BCAP31: variants seen among roughly 807,000 people sequenced by gnomAD.
BCAP31 encodes the protein B-cell receptor-associated protein 31.
For missense variants in BCAP31, 124 were observed against 193.0 expected, an observed-to-expected ratio of 0.64 and a Z score of 2.12; for synonymous variants, 75 against 80.9, an observed-to-expected ratio of 0.93 and a Z score of 0.39.
chrX:153,708,819 G>GCCCCAAAGGGCTC (rs1372627381), intron 4 of BCAP31, among the ~76,000 whole-genome samples: 2 of 112,897 alleles, frequency 1.8e-5, no homozygotes, highest in Non-Finnish European at 3.7e-5. Context: ...CCAAAGGGCT[G>GCCCCAAAGGGCTC]CCCCAAGTCC....
At chrX:153,703,092 G>T in intron 5 of BCAP31, 34 bp from the exon 6 acceptor site, 1 of 1,196,287 alleles carries the variant, frequency 8.4e-7, no homozygotes, top group African/African-American at 1.7e-5. Flanking sequence ...GGTTACTCAG[G>T]AGGGAGGGAG....
At chrX:153,702,341 G>A (rs186468234) in intron 6 of BCAP31, 160 of 344,494 alleles carry the variant, frequency 4.6e-4, no homozygotes, top group African/African-American at 3.9e-3. Flanking sequence ...CCATCCCCCA[G>A]TCCCTTTAAT....
At chrX:153,715,769 A>G in intron 3 of BCAP31, 80 bp from the exon 4 acceptor site, 2 of 1,109,520 alleles carry the variant, frequency 1.8e-6, no homozygotes, top group Non-Finnish European at 2.5e-6. Context: ...GACAGGCGGC[A>G]TGAGACAGGT....
At chrX:153,703,893 T>C in intron 5 of BCAP31, 66 bp downstream of exon 5, 5 of 1,178,998 alleles carry the variant, frequency 4.2e-6, no homozygotes, top group Non-Finnish European at 5.7e-6. Context: ...ACTGAGGCCC[T>C]GAAGAATGTG....
In BCAP31 at chrX:153,721,497, C is replaced by CT. The variant is rs782160789; in HGVS notation, c.93-526dup. On this transcript the variant is annotated intron_variant, in intron 2 of 7. Transcript: ENST00000345046. ...AGATCAAAATGTCTGGAAAACTAAT[C>CT]TTTTTTTTTTTTTTTTGAGACAGAG... 3.7e-3 allele frequency among the ~76,000 whole-genome samples: 323 copies of CT among 86,302 alleles called. 2 individuals carry two copies. Among genetic ancestry groups the CT allele is most frequent in the Middle Eastern group, 0.012 (2 of 162 alleles). 74.9% of individuals were successfully genotyped at this position (86,302 alleles called of 115,157 possible). A position where few individuals can be genotyped will look rare whatever the true frequency, so the allele number is the denominator to read the frequency against.
chrX:153,716,878 A>G (rs1262684737), intron 3 of BCAP31, among the ~76,000 whole-genome samples: 1 of 112,902 alleles, frequency 8.9e-6, no homozygotes, highest in African/African-American at 3.2e-5. Flanking sequence ...ATTATCTATA[A>G]TGTTTTATTC....
In BCAP31 at chrX:153,700,778, T is replaced by C. The variant is rs184835489; in HGVS notation, c.*159A>G. The C allele has an allele frequency of 2.3e-3, 1,111 of 481,324 alleles. 15 individuals are homozygous for C. The East Asian group carries it at 0.035, about 15-fold the overall frequency. 39.7% of individuals were successfully genotyped at this position (481,324 alleles called of 1,213,427 possible). ...GGTCCCCTGTAATGTGCTTGGAGAGTGTGGACAAGGGCCGAGATGACGAGC... is the reference window on the plus strand; with the variant it reads ...GGTCCCCTGTAATGTGCTTGGAGAGCGTGGACAAGGGCCGAGATGACGAGC... On this transcript the variant is annotated 3_prime_UTR_variant, in exon 8 of 8. Transcript: ENST00000345046.
chrX:153,723,872 T>G (rs2091687629), intron 1 of BCAP31: 1 of 554,806 alleles, frequency 1.8e-6, no homozygotes, highest in Non-Finnish European at 3.0e-6. Context: ...CCGCTTCGCC[T>G]CCGGTGGGCT....
intron 3 of BCAP31, among the ~76,000 whole-genome samples, chrX:153,716,181 G>A (rs1603228248): frequency 1.0e-5 from 1 of 95,600 alleles, no homozygotes; most frequent in Non-Finnish European, 2.1e-5. Flanking sequence ...AAAAAAAAAA[G>A]GAAGCTCCCA....
At chrX:153,707,024 C>T (rs1257989513) in intron 4 of BCAP31, among the ~76,000 whole-genome samples, 1 of 111,633 alleles carries the variant, frequency 9.0e-6, no homozygotes, top group Non-Finnish European at 1.9e-5. Context: ...TGGCCCCCTG[C>T]TCTAGTAACA....
chrX:153,721,824 G>A (rs2091669085), intron 2 of BCAP31, among the ~76,000 whole-genome samples: 1 of 58,982 alleles, frequency 1.7e-5, no homozygotes, highest in Non-Finnish European at 3.1e-5. Context: ...CTTGAACCCG[G>A]GAGGTGGAGG....
At chrX:153,702,414 G>A (rs1335160853) in intron 6 of BCAP31, 3 of 251,618 alleles carry the variant, frequency 1.2e-5, no homozygotes, top group Non-Finnish European at 2.1e-5. Flanking sequence ...GTGGGAGACA[G>A]GGAGCAAGAT....
At chrX:153,708,119 T>C (rs1557048570) in intron 4 of BCAP31, among the ~76,000 whole-genome samples, 1 of 112,865 alleles carries the variant, frequency 8.9e-6, no homozygotes. Flanking sequence ...AGATGTGGCC[T>C]TGGAAGACAC....
intron 1 of BCAP31, chrX:153,723,961 GC>G (rs2091688450): frequency 2.2e-6 from 1 of 446,305 alleles, no homozygotes; most frequent in Non-Finnish European, 4.1e-6. Flanking sequence ...GCACCTCAAG[GC>G]CCCATACGGA....
rs373263546 is a variant in BCAP31 at position 153,715,622 on chromosome X, C to T, written c.261G>A (p.Gly87=). Residue 87 remains glycine, a synonymous_variant, in exon 4 of 8, where the codon GGG becomes GGA. Transcript: ENST00000345046. Reference sequence around the variant, plus strand: ...GCTTCATGTGGAAGTGCTCCATGGCCCCGGGATTGTTCTGGAGGTTCACCT... The same window carrying T: ...GCTTCATGTGGAAGTGCTCCATGGCTCCGGGATTGTTCTGGAGGTTCACCT... ...TEKVNLQNNP[G]AMEHFHMKLF... 1.4e-5 allele frequency: 17 copies of T among 1,211,333 alleles called. 1 individual carries two copies. Among genetic ancestry groups the T allele is most frequent in the African/African-American group, 1.2e-4 (7 of 57,756 alleles).
chrX:153,708,457 G>C (rs1306785156), intron 4 of BCAP31, among the ~76,000 whole-genome samples: 1 of 112,545 alleles, frequency 8.9e-6, no homozygotes, highest in Non-Finnish European at 1.9e-5. Context: ...TTTCAGGCGA[G>C]TCAAGTCATT....
intron 4 of BCAP31, among the ~76,000 whole-genome samples, chrX:153,706,857 T>C (rs140064313): frequency 0.045 from 5,074 of 111,646 alleles, 262 homozygotes; most frequent in African/African-American, 0.16. Context: ...ATGCCCACCA[T>C]CATCCCCACT....
intron 4 of BCAP31, among the ~76,000 whole-genome samples, chrX:153,704,518 G>T (rs1557048035): frequency 8.9e-6 from 1 of 112,321 alleles, no homozygotes; most frequent in African/African-American, 3.2e-5. Context: ...AACATGCCAG[G>T]CCGCATCCTC....
chrX:153,715,320 G>A (rs2091619403), intron 4 of BCAP31: 2 of 442,892 alleles, frequency 4.5e-6, no homozygotes, highest in Admixed American at 4.1e-5. Context: ...GTGTGTGAGG[G>A]TCTTCTGATA....
Sources: gnomAD v4.1 joint callset for allele counts (sites outside exome capture counted in the v4.1 genomes callset) on GRCh38, gnomAD v4.1.1 for gene constraint, MANE v1.5 for transcripts, NCBI Gene and HGNC (gene_info 2026-07-23, HGNC 2026-07-21) for gene names.